Variants in SFI1 observed in about 807,000 individuals in gnomAD.
The protein encoded by SFI1 is SFI1 centrin binding protein.
In SFI1, 195 loss-of-function variants were observed where a neutral mutation model predicts 207.5. The observed-to-expected ratio is 0.94, with a 90% CI of 0.84 to 1.06. SFI1 has a LOEUF of 1.06. Among genes scored for constraint, SFI1 ranks in the 50% least tolerant of loss-of-function variants. The probability of loss-of-function intolerance (pLI) is 0.00; values close to 1 mark genes in which losing one functional copy is unlikely to be tolerated. For missense variants in SFI1, 1,634 were observed against 1,588.0 expected (o/e 1.03, Z -0.49); for synonymous variants, 630 against 598.9 (o/e 1.05, Z -0.76).
intron 9 of SFI1, among the ~76,000 whole-genome samples, chr22:31,574,779 G>A (rs1054139034): frequency 7.9e-5 from 12 of 152,146 alleles, no homozygotes; most frequent in Admixed American, 1.3e-4. Context: ...TATTTTGGCC[G>A]GGCGCGGTGG....
Position 31,530,284 on chromosome 22 carries a change from A to G in SFI1, c.267-774A>G, listed in dbSNP as rs376618046. 8.4e-4 allele frequency among the ~76,000 whole-genome samples: 124 copies of G among 148,170 alleles called. 1 individual carries two copies. In the Middle Eastern group the frequency reaches 0.01, roughly 12 times the overall value. ...GGCGGGTGGATCATGAGGTCAGGAG[A>G]TCGAGACCATCCTGGCTAACATGGT... is the stretch of plus-strand genomic sequence containing the variant. On this transcript the variant is annotated intron_variant, in intron 3 of 32. Transcript: ENST00000400288.
intron 10 of SFI1, among the ~76,000 whole-genome samples, chr22:31,576,643 C>T (rs1423060030): frequency 1.3e-5 from 2 of 151,380 alleles, no homozygotes; most frequent in African/African-American, 4.8e-5. Context: ...TCTTTTTTTT[C>T]CCTTTTTTTT....
intron 6 of SFI1, 150 bp downstream of exon 6, chr22:31,550,498 G>A (rs2060523641): frequency 1.1e-5 from 7 of 631,690 alleles, no homozygotes; most frequent in Non-Finnish European, 1.7e-5. Context: ...CAGAAAGTGT[G>A]ATCTCTGAGT....
At chr22:31,500,772 T>TTGTG (rs1011284707) in intron 1 of SFI1, among the ~76,000 whole-genome samples, 5 of 150,398 alleles carry the variant, frequency 3.3e-5, no homozygotes, top group African/African-American at 1.2e-4. Context: ...AGTGGTGTTT[T>TTGTG]TGTGTGTGTG....
intron 12 of SFI1, among the ~76,000 whole-genome samples, chr22:31,582,642 C>A (rs2064486411): frequency 6.6e-6 from 1 of 152,096 alleles, no homozygotes; most frequent in Non-Finnish European, 1.5e-5. Flanking sequence ...ACATGTACAT[C>A]CACATTGTGC....
In SFI1 at chr22:31,606,691, TTC is replaced by T. The variant is rs1429187860; in HGVS notation, c.2157+263_2157+264del. On this transcript the variant is annotated intron_variant, in intron 21 of 32. Coordinates refer to ENST00000400288, the MANE Select transcript of SFI1 (RefSeq NM_001007467.3). The stretch of plus-strand genomic sequence containing the variant: ...TTATCAGAACCAGTATTTTCTTTTT[TTC>T]TTTTTTTTTTTTTTTTTTTTTTTGA... The T allele has an allele frequency of 2.2e-3, 553 of 255,958 alleles. 5 individuals carry two copies. Among genetic ancestry groups the T allele is most frequent in the African/African-American group, 0.014 (512 of 37,762 alleles). The allele number at this position is 255,958 out of a possible 1,614,324, so 15.9% of individuals were successfully genotyped here. A position where few individuals can be genotyped will look rare whatever the true frequency, so the allele number is the denominator to read the frequency against.
chr22:31,550,385 A>G (rs1460046195), intron 6 of SFI1, 37 bp downstream of exon 6: 3 of 1,535,278 alleles, frequency 2.0e-6, no homozygotes, highest in African/African-American at 2.7e-5. Flanking sequence ...GAAGATGCCC[A>G]CATTTACTTT....
At chr22:31,593,182 G>A (rs1442358601) in intron 15 of SFI1, among the ~76,000 whole-genome samples, 1 of 150,254 alleles carries the variant, frequency 6.7e-6, no homozygotes, top group East Asian at 2.0e-4. Context: ...GGGCGGAGAC[G>A]CTCCTCACCT....
chr22:31,599,739 G>C (rs769351881), intron 15 of SFI1, among the ~76,000 whole-genome samples: 1 of 152,134 alleles, frequency 6.6e-6, no homozygotes, highest in Non-Finnish European at 1.5e-5. Flanking sequence ...GCCTCTCACT[G>C]TTCTGGGATT....
At chr22:31,550,170 C>T in intron 5 of SFI1, 84 bp from the exon 6 acceptor site, 1 of 1,014,276 alleles carries the variant, frequency 9.9e-7, no homozygotes, top group Non-Finnish European at 1.5e-6. Context: ...CTTGGCCTCC[C>T]AAAGTGCTAG....
At chr22:31,616,694 T>A in intron 29 of SFI1, 51 bp from the exon 30 acceptor site, 1 of 1,504,374 alleles carries the variant, frequency 6.6e-7, no homozygotes, top group South Asian at 1.4e-5. Context: ...TCCCCCTCCC[T>A]GGCTTCCTCC....
chr22:31,497,603 G>A (rs2052919250), intron 1 of SFI1, among the ~76,000 whole-genome samples: 1 of 152,048 alleles, frequency 6.6e-6, no homozygotes, highest in South Asian at 2.1e-4. Context: ...CCCCACAGTG[G>A]CCCCTAAGTG....
At chr22:31,538,057 C>T (rs1020905643) in intron 4 of SFI1, among the ~76,000 whole-genome samples, 3 of 152,150 alleles carry the variant, frequency 2.0e-5, no homozygotes, top group African/African-American at 7.2e-5. Context: ...CTGCAACTTT[C>T]GCTTCCCGGG....
intron 14 of SFI1, among the ~76,000 whole-genome samples, chr22:31,588,388 C>G (rs990012857): frequency 1.3e-5 from 2 of 152,216 alleles, no homozygotes; most frequent in African/African-American, 4.8e-5. Context: ...AGCCTCAGAA[C>G]TCACACAGTG....
At chr22:31,573,399 T>C (rs1457100532) in intron 9 of SFI1, among the ~76,000 whole-genome samples, 185 bp downstream of exon 9, 1 of 152,140 alleles carries the variant, frequency 6.6e-6, no homozygotes, top group African/African-American at 2.4e-5. Context: ...CTTTTATTTA[T>C]ATATCTGTAT....
At chr22:31,532,045 A>G (rs1046001330) in intron 4 of SFI1, among the ~76,000 whole-genome samples, 2 of 152,104 alleles carry the variant, frequency 1.3e-5, no homozygotes, top group African/African-American at 4.8e-5. Flanking sequence ...TGGGCAACAG[A>G]GTGAAACTCC....
At chr22:31,595,293 G>A (rs1437513547) in intron 15 of SFI1, among the ~76,000 whole-genome samples, 1 of 152,240 alleles carries the variant, frequency 6.6e-6, no homozygotes, top group Non-Finnish European at 1.5e-5. Flanking sequence ...ACCACGCCCA[G>A]CCTGTAATGA....
intron 3 of SFI1, chr22:31,529,125 C>G: frequency 2.6e-6 from 1 of 379,122 alleles, no homozygotes. Context: ...AAACGTGGTC[C>G]AAGAAAGAAG....
chr22:31,583,947 C>G lies in SFI1; in HGVS notation c.1321C>G (p.Leu441Val), dbSNP rs1379188241. Residue 441 changes from leucine to valine, a missense_variant, in exon 13 of 33, where the codon CTG becomes GTG. Leu to Val is a conservative substitution (Grantham distance 32, BLOSUM62 1). Coordinates refer to ENST00000400288, the MANE Select transcript of SFI1 (RefSeq NM_001007467.3). ...AAAGGAAAGAGAGCTGCTCCCCTTA[C>G]TGCATGCTGCCTGGGACCACTACAG... is the stretch of plus-strand genomic sequence containing the variant. ...QKKERELLPLLHAAWDHYRIA... is the reference protein window; with the variant it reads ...QKKERELLPLVHAAWDHYRIA... 1 of 1,614,134 alleles carries G rather than the reference C, an allele frequency of 6.2e-7. No homozygotes were observed. Among genetic ancestry groups the G allele is most frequent in the East Asian group, 2.2e-5 (1 of 44,890 alleles).
Sources: gnomAD v4.1 joint callset for allele counts (sites outside exome capture counted in the v4.1 genomes callset) on GRCh38, gnomAD v4.1.1 for gene constraint, MANE v1.5 for transcripts, NCBI Gene and HGNC (gene_info 2026-07-23, HGNC 2026-07-21) for gene names.